Variants in SPATA22 observed in about 807,000 individuals in gnomAD.
SPATA22 encodes spermatogenesis associated 22.
In SPATA22, 29 loss-of-function variants were observed where a neutral mutation model predicts 47.8. The ratio of observed to expected loss-of-function variants is 0.61; its 90% CI spans 0.45 to 0.83. The LOEUF (loss-of-function observed/expected upper bound fraction) is 0.83, where lower values mean the gene tolerates loss of function less well. Ranked by LOEUF, SPATA22 falls within the 40% of genes least tolerant of loss-of-function variation. The probability of loss-of-function intolerance (pLI) is 0.00; values close to 1 mark genes in which losing one functional copy is unlikely to be tolerated. For synonymous variants in SPATA22, 133 were observed against 140.9 expected (o/e 0.94, Z 0.40); for missense variants, 410 against 421.7 (o/e 0.97, Z 0.24).
chr17:3,478,180 G>A (rs1034607665), intron 1 of SPATA22, among the ~76,000 whole-genome samples: 3 of 150,078 alleles, frequency 2.0e-5, no homozygotes, highest in East Asian at 1.9e-4. Context: ...GCGAGACTCC[G>A]TCTCAAAAAA....
At chr17:3,497,273 C>A (rs1212782608) in intron 1 of SPATA22, among the ~76,000 whole-genome samples, 1 of 152,140 alleles carries the variant, frequency 6.6e-6, no homozygotes, top group Non-Finnish European at 1.5e-5. Flanking sequence ...TGGGGCAAGT[C>A]TCTGCCTGAA....
At chr17:3,443,839 CAA>C (rs1433036526) in intron 7 of SPATA22, among the ~76,000 whole-genome samples, 1 of 149,130 alleles carries the variant, frequency 6.7e-6, no homozygotes, top group Non-Finnish European at 1.5e-5. Context: ...CTACAGTGAG[CAA>C]GTTAACATAC....
At chr17:3,491,714 C>T (rs556473764) in intron 1 of SPATA22, among the ~76,000 whole-genome samples, 91 of 152,002 alleles carry the variant, frequency 6.0e-4, no homozygotes, top group African/African-American at 2.1e-3. Flanking sequence ...TGCCACTGCA[C>T]TCCAGCCTCG....
intron 5 of SPATA22, among the ~76,000 whole-genome samples, chr17:3,460,814 A>G (rs4790141): frequency 0.025 from 3,560 of 140,064 alleles, 110 homozygotes; most frequent in African/African-American, 0.043. Flanking sequence ...AAAAAAAAAA[A>G]GATTAAAAAT....
At chr17:3,453,684 A>G (rs1242960558) in intron 5 of SPATA22, among the ~76,000 whole-genome samples, 3 of 152,154 alleles carry the variant, frequency 2.0e-5, no homozygotes, top group Non-Finnish European at 4.4e-5. Flanking sequence ...CCAAAATTTG[A>G]AACTTTTTGA....
chr17:3,462,415 G>T, intron 5 of SPATA22, 68 bp downstream of exon 5: 1 of 1,075,616 alleles, frequency 9.3e-7, no homozygotes, highest in Non-Finnish European at 1.4e-6. Flanking sequence ...AAGGAGGAGG[G>T]AAGAATGAAG....
At chr17:3,493,318 T>C (rs908266990) in intron 1 of SPATA22, among the ~76,000 whole-genome samples, 3 of 152,102 alleles carry the variant, frequency 2.0e-5, no homozygotes, top group South Asian at 2.1e-4. Context: ...ATCCCAGCAC[T>C]TGGGGAGGCT....
intron 1 of SPATA22, among the ~76,000 whole-genome samples, chr17:3,496,378 T>C (rs751250957): frequency 2.6e-5 from 4 of 151,860 alleles, no homozygotes; most frequent in Non-Finnish European, 4.4e-5. Context: ...TAGCAGAGGG[T>C]ATAACAAAGG....
intron 1 of SPATA22, among the ~76,000 whole-genome samples, chr17:3,469,611 C>T (rs62071292): frequency 6.6e-6 from 1 of 152,068 alleles, no homozygotes; most frequent in South Asian, 2.1e-4. Flanking sequence ...AACCTTGCTT[C>T]GTAAACATAT....
intron 5 of SPATA22, among the ~76,000 whole-genome samples, chr17:3,452,972 T>C (rs1597393418): frequency 6.6e-6 from 1 of 152,194 alleles, no homozygotes; most frequent in Admixed American, 6.5e-5. Context: ...TTAATACCAA[T>C]CTTTCTGAAA....
intron 8 of SPATA22, among the ~76,000 whole-genome samples, chr17:3,442,897 G>A (rs1461655848): frequency 1.3e-5 from 2 of 151,836 alleles, no homozygotes; most frequent in Non-Finnish European, 2.9e-5. Flanking sequence ...CCATATCACA[G>A]TGTAACATTT....
At chr17:3,481,873 C>T in intron 1 of SPATA22, 1 of 1,336,518 alleles carries the variant, frequency 7.5e-7, no homozygotes, top group Non-Finnish European at 1.0e-6. Flanking sequence ...GTGAGACAAT[C>T]AGAAAACAGT....
At chr17:3,483,421 G>C in intron 1 of SPATA22, 1 of 1,190,684 alleles carries the variant, frequency 8.4e-7, no homozygotes, top group Admixed American at 1.7e-5. Context: ...CGTATTGAAG[G>C]TATTATTGAC....
At chr17:3,464,881 AG>A (rs1194714971) in intron 3 of SPATA22, among the ~76,000 whole-genome samples, 2 of 90,624 alleles carry the variant, frequency 2.2e-5, no homozygotes, top group African/African-American at 6.9e-5. Context: ...CCCGTCTGGG[AG>A]GGGGGTGGGG....
At position 3,449,015 on chromosome 17, in the gene SPATA22, T is replaced by C. The variant is rs11556563; in HGVS notation, c.464A>G (p.Gln155Arg). The change falls in exon 6 of 9, where the codon CAA becomes CGA. Residue 155 changes from glutamine to arginine, a missense_variant. Coordinates refer to ENST00000572969, the MANE Select transcript of SPATA22 (RefSeq NM_001170698.2). ...SCPVSSGAQQQKQLRIPEPPN... is the reference protein window; with the variant it reads ...SCPVSSGAQQRKQLRIPEPPN... ...AGGTTCAGGTATTCTTAATTGTTTT[T>C]GTTGTTGAGCTCCCGAACTCACTGG... 0.42 allele frequency: 679,318 copies of C among 1,613,642 alleles called. 158,192 individuals are homozygous for C. Among genetic ancestry groups the C allele is most frequent in the Non-Finnish European group, 0.49 (573,284 of 1,179,752 alleles).
chr17:3,463,891 AT>A (rs1318696679), intron 3 of SPATA22, among the ~76,000 whole-genome samples: 1 of 148,354 alleles, frequency 6.7e-6, no homozygotes, highest in Admixed American at 6.7e-5. Context: ...CAAGACAAAC[AT>A]TTTAAAAAAA....
chr17:3,445,276 A>G (rs1238598428), intron 7 of SPATA22, among the ~76,000 whole-genome samples: 3 of 152,130 alleles, frequency 2.0e-5, no homozygotes, highest in African/African-American at 7.2e-5. Context: ...TTACGTGGCT[A>G]CTGGTAAGAA....
intron 5 of SPATA22, among the ~76,000 whole-genome samples, chr17:3,461,338 A>G (rs1294291314): frequency 6.6e-6 from 1 of 152,202 alleles, no homozygotes; most frequent in Non-Finnish European, 1.5e-5. Flanking sequence ...AACTGCCTGC[A>G]TGGATTTTTA....
intron 1 of SPATA22, among the ~76,000 whole-genome samples, chr17:3,493,583 A>AG (rs1555540543): frequency 6.7e-6 from 1 of 148,852 alleles, no homozygotes; most frequent in Admixed American, 6.7e-5. Flanking sequence ...AAAAAAAAAA[A>AG]GGAAAGAAAA....
Sources: allele counts gnomAD v4.1 joint callset (sites outside exome capture counted in the v4.1 genomes callset), GRCh38; gene constraint gnomAD v4.1.1; transcripts MANE v1.5; gene names NCBI Gene and HGNC (gene_info 2026-07-23, HGNC 2026-07-21).